ADGRV1: variants seen among roughly 807,000 people sequenced by gnomAD.
The protein encoded by ADGRV1 is adhesion G protein-coupled receptor V1, also known as G-protein coupled receptor 98.
ADGRV1 carries 359 observed loss-of-function variants against 596.2 expected under a neutral mutation model. The ratio of observed to expected loss-of-function variants is 0.60; its 90% CI spans 0.55 to 0.66. The LOEUF (loss-of-function observed/expected upper bound fraction) is 0.66, where lower values mean the gene tolerates loss of function less well. Ranked by LOEUF, ADGRV1 falls within the 30% of genes least tolerant of loss-of-function variation. The pLI, the probability that ADGRV1 is intolerant of heterozygous loss-of-function variation, is 0.00. For missense variants in ADGRV1, 7,274 were observed against 7,575.6 expected (o/e 0.96, Z 1.48); for synonymous variants, 2,681 against 2,679.2 (o/e 1.00, Z -0.02).
At chr5:91,021,319 C>A (rs1020985140) in intron 85 of ADGRV1, among the ~76,000 whole-genome samples, 5 of 152,056 alleles carry the variant, frequency 3.3e-5, no homozygotes, top group African/African-American at 9.7e-5. Context: ...GACTTGAATT[C>A]TATACGGGGC....
rs1305376079 is a variant in ADGRV1 at position 90,708,902 on chromosome 5, C to T, written c.8817C>T (p.Pro2939=). The T allele has an allele frequency of 1.2e-6, 2 of 1,606,426 alleles. No homozygotes were observed. Among genetic ancestry groups the T allele is most frequent in the Non-Finnish European group, 1.7e-6 (2 of 1,173,476 alleles). ...TGGCTGCTTCAACTTCATTTCCTCCCAGACTAGGTATGAGGGGTTTCTTGT... is the reference window on the plus strand; with the variant it reads ...TGGCTGCTTCAACTTCATTTCCTCCTAGACTAGGTATGAGGGGTTTCTTGT... The part of the protein sequence containing the change: ...LTMAASTSFP[P]RLDSEGLTAQ... The change falls in exon 39 of 90, where the codon CCC becomes CCT. Residue 2939 remains proline (P), a synonymous_variant. Coordinates refer to ENST00000405460, the MANE Select transcript of ADGRV1 (RefSeq NM_032119.4).
At chr5:90,839,164 G>C (rs904316066) in intron 77 of ADGRV1, among the ~76,000 whole-genome samples, 1 of 151,950 alleles carries the variant, frequency 6.6e-6, no homozygotes, top group Admixed American at 6.6e-5. Flanking sequence ...GAACCTACAT[G>C]CCTACATGAT....
chr5:90,675,366 G>A lies in ADGRV1; in HGVS notation c.5234G>A (p.Arg1745His), dbSNP rs774387438. The A allele has an allele frequency of 5.0e-6, 8 of 1,613,832 alleles. No individual in the cohort carries two copies. In the South Asian group the frequency reaches 5.5e-5, roughly 11 times the overall value. The part of the protein sequence containing the change: ...EDGEIRLLVI[R>H]AQGLLGRVTA... ...GGAGAAATCAGGTTATTGGTCATCCGTGCACAGGGACTTCTGGGAAGGGTG... is the reference window on the plus strand; with the variant it reads ...GGAGAAATCAGGTTATTGGTCATCCATGCACAGGGACTTCTGGGAAGGGTG... The change falls in exon 24 of 90, where the codon CGT becomes CAT. Residue 1745 changes from arginine to histidine, a missense_variant. Around this residue, in one of 5 missense-constraint regions of ADGRV1, gnomAD observed 3,643 missense variants for 3,809.2 expected, o/e 0.96. Coordinates refer to ENST00000405460, the MANE Select transcript of ADGRV1 (RefSeq NM_032119.4).
chr5:90,657,273 A>T (rs988505922), intron 20 of ADGRV1, among the ~76,000 whole-genome samples: 7 of 151,354 alleles, frequency 4.6e-5, no homozygotes, highest in Non-Finnish European at 7.4e-5. Flanking sequence ...AAAACAAAAC[A>T]ACAACAACAA....
intron 67 of ADGRV1, among the ~76,000 whole-genome samples, chr5:90,785,301 C>T (rs1252227617): frequency 6.8e-6 from 1 of 146,434 alleles, no homozygotes; most frequent in Non-Finnish European, 1.5e-5. Flanking sequence ...CCATAAAAAC[C>T]CTAGGAGAAA....
chr5:90,886,728 T>C (rs1434659146), intron 83 of ADGRV1, among the ~76,000 whole-genome samples: 1 of 152,204 alleles, frequency 6.6e-6, no homozygotes, highest in Non-Finnish European at 1.5e-5. Context: ...TAACATCCGC[T>C]TGAAAACCAT....
chr5:90,995,588 A>C (rs1052355961), intron 85 of ADGRV1, among the ~76,000 whole-genome samples: 3 of 152,180 alleles, frequency 2.0e-5, no homozygotes, highest in Non-Finnish European at 4.4e-5. Context: ...GGAGTGGGGC[A>C]TTGTTATGAA....
chr5:90,632,408 C>T (rs920687478), intron 9 of ADGRV1, among the ~76,000 whole-genome samples: 1 of 152,066 alleles, frequency 6.6e-6, no homozygotes, highest in African/African-American at 2.4e-5. Context: ...TTTCTAATGT[C>T]TTTTCTCATA....
chr5:90,863,166 C>A (rs894334185), intron 82 of ADGRV1, among the ~76,000 whole-genome samples: 1 of 152,086 alleles, frequency 6.6e-6, no homozygotes, highest in African/African-American at 2.4e-5. Flanking sequence ...CACATGTATA[C>A]CCTGCCTTTA....
At chr5:90,760,385 G>T (rs1011848857) in intron 58 of ADGRV1, among the ~76,000 whole-genome samples, 3 of 151,972 alleles carry the variant, frequency 2.0e-5, no homozygotes, top group Admixed American at 1.3e-4. Context: ...CCTCCAGCCT[G>T]TGCACACAGT....
chr5:91,017,925 A>G (rs1446940595), intron 85 of ADGRV1, among the ~76,000 whole-genome samples: 3 of 151,958 alleles, frequency 2.0e-5, no homozygotes, highest in Non-Finnish European at 4.4e-5. Context: ...CAACATAACT[A>G]AATTGTTAAC....
intron 69 of ADGRV1, among the ~76,000 whole-genome samples, chr5:90,790,601 T>A (rs1321199266): frequency 6.6e-6 from 1 of 152,202 alleles, no homozygotes. Context: ...ATTTTTAAGG[T>A]AGCTTGCTTC....
intron 78 of ADGRV1, among the ~76,000 whole-genome samples, chr5:90,847,061 T>C (rs1289282290): frequency 1.3e-5 from 2 of 151,784 alleles, no homozygotes; most frequent in Admixed American, 6.6e-5. Context: ...AGAGTGCTGA[T>C]TCATGCCTTC....
chr5:91,032,630 T>G (rs550078110), intron 85 of ADGRV1, among the ~76,000 whole-genome samples: 1 of 152,024 alleles, frequency 6.6e-6, no homozygotes, highest in East Asian at 1.9e-4. Flanking sequence ...ATTTATTCTT[T>G]CTTTGCCTTA....
intron 86 of ADGRV1, among the ~76,000 whole-genome samples, chr5:91,080,399 A>G (rs1242527137): frequency 6.6e-6 from 1 of 152,128 alleles, no homozygotes; most frequent in African/African-American, 2.4e-5. Flanking sequence ...TTGTGGGATT[A>G]GAATCAGAGG....
chr5:90,595,754 C>T (rs1476815549), intron 1 of ADGRV1, among the ~76,000 whole-genome samples: 1 of 139,482 alleles, frequency 7.2e-6, no homozygotes, highest in Non-Finnish European at 1.6e-5. Flanking sequence ...AGGCGCCCCT[C>T]ACCTCCCGGA....
intron 83 of ADGRV1, among the ~76,000 whole-genome samples, chr5:90,940,199 AGGACTT>A (rs1162791209): frequency 2.0e-5 from 3 of 152,242 alleles, no homozygotes; most frequent in Non-Finnish European, 4.4e-5. Flanking sequence ...CTGTCTTTTG[AGGACTT>A]GGATATAAAT....
At position 91,117,344 on chromosome 5, in the gene ADGRV1, A is replaced by G. The variant is rs189472269; in HGVS notation, c.18432+15004A>G. Among the ~76,000 whole-genome samples the G allele has an allele frequency of 2.9e-3, 434 of 152,260 alleles. 8 individuals carry two copies. Among genetic ancestry groups the G allele is most frequent in the Middle Eastern group, 0.024 (7 of 294 alleles). ...CTATCCAGACTATGTTCATGTATGT[A>G]TTTGTAGACTGGTTATTCTATGCCC... is the stretch of plus-strand genomic sequence containing the variant. On this transcript the variant is annotated intron_variant, in intron 87 of 89. Coordinates refer to ENST00000405460, the MANE Select transcript of ADGRV1 (RefSeq NM_032119.4).
At chr5:90,729,567 A>G (rs1580905242) in intron 49 of ADGRV1, 75 bp from the exon 50 acceptor site, 2 of 1,102,256 alleles carry the variant, frequency 1.8e-6, no homozygotes, top group East Asian at 5.2e-5. Flanking sequence ...TTTTTATTAT[A>G]GTTTTATTAT....
Sources: allele counts gnomAD v4.1 joint callset (sites outside exome capture counted in the v4.1 genomes callset), GRCh38; gene constraint gnomAD v4.1.1; regional missense constraint gnomAD v4.1.1; transcripts MANE v1.5; gene names NCBI Gene and HGNC (gene_info 2026-07-23, HGNC 2026-07-21).